Variants in RTEL1 observed in about 807,000 individuals in gnomAD.
RTEL1 encodes the protein regulator of telomere length.
In RTEL1, 86 loss-of-function variants were observed where a neutral mutation model predicts 162.2. The ratio of observed to expected loss-of-function variants is 0.53; its 90% CI spans 0.45 to 0.63. The LOEUF (loss-of-function observed/expected upper bound fraction) is 0.63. RTEL1 is among the 30% of genes least tolerant of loss of function. The pLI is 0.00. For synonymous variants in RTEL1, 958 were observed against 717.9 expected, an observed-to-expected ratio of 1.33 and a Z score of -5.35; for missense variants, 1,941 against 1,750.2, an observed-to-expected ratio of 1.11 and a Z score of -1.95.
In RTEL1 at chr20:63,678,323, C is replaced by G; in HGVS notation, c.1014C>G (p.Asp338Glu). ...ATGCTGTTGAGCTGCCTGGAGACGA[C>G]AGCGGTGTCACCAAGCCAGGGAGGT... ...AIDAVELPGD[D>E]SGVTKPGSYI... The change falls in exon 12 of 35, where the codon GAC becomes GAG. Residue 338 changes from aspartate to glutamate, a missense_variant. Coordinates refer to ENST00000360203, the MANE Select transcript of RTEL1 (RefSeq NM_001283009.2). 6.2e-7 allele frequency: 1 copy of G among 1,612,886 alleles called. No homozygotes were observed. The highest frequency in any genetic ancestry group is 8.5e-7 in the Non-Finnish European group (1 of 1,179,758).
At chr20:63,675,515 T>C (rs1601123874) in intron 10 of RTEL1, among the ~76,000 whole-genome samples, 1 of 152,016 alleles carries the variant, frequency 6.6e-6, no homozygotes, top group Non-Finnish European at 1.5e-5. Context: ...TATATATATA[T>C]ATATACATAT....
chr20:63,659,391 G>A lies in RTEL1; in HGVS notation c.-12G>A, dbSNP rs534207784. On this transcript the variant is annotated 5_prime_UTR_variant, in exon 2 of 35. Coordinates refer to ENST00000360203, the MANE Select transcript of RTEL1 (RefSeq NM_001283009.2). ...TCAGCCACGCTCTGTGCCCTTCTGA[G>A]AACAGGCTGATATGCCCAAGATAGT... is the stretch of plus-strand genomic sequence containing the variant. The A allele has an allele frequency of 3.5e-5, 56 of 1,608,620 alleles. No homozygotes were observed. In the South Asian group the frequency reaches 5.3e-4, roughly 15 times the overall value.
intron 8 of RTEL1, among the ~76,000 whole-genome samples, chr20:63,670,816 CA>C (rs765965525): frequency 1.1e-3 from 148 of 134,130 alleles, no homozygotes; most frequent in Admixed American, 1.7e-3. Flanking sequence ...GACCCCATCT[CA>C]AAAAAAAAAA....
intron 17 of RTEL1, 27 bp downstream of exon 17, chr20:63,687,797 A>T: frequency 6.4e-7 from 1 of 1,556,838 alleles, no homozygotes; most frequent in Non-Finnish European, 8.7e-7. Flanking sequence ...CCAGGGCCTG[A>T]GCACCGGTGA....
chr20:63,693,046 G>A (rs1568718034), intron 29 of RTEL1, 43 bp downstream of exon 29: 1 of 1,609,916 alleles, frequency 6.2e-7, no homozygotes, highest in Admixed American at 1.7e-5. Context: ...GGGCAGTGCT[G>A]CCGCCGCGTG....
chr20:63,670,532 C>T (rs1042590840), intron 8 of RTEL1, among the ~76,000 whole-genome samples: 16 of 152,268 alleles, frequency 1.1e-4, no homozygotes, highest in East Asian at 3.9e-4. Flanking sequence ...CACGGGGAGC[C>T]GACACTGTGG....
chr20:63,682,015 A>G (rs1220672222), intron 14 of RTEL1: 3 of 985,250 alleles, frequency 3.0e-6, no homozygotes, highest in Non-Finnish European at 3.6e-6. Context: ...GGTCACTGCA[A>G]AGCACCTCCA....
Position 63,687,747 on chromosome 20 carries a change from C to T in RTEL1, c.1458C>T (p.Ser486=), listed in dbSNP as rs775896223. 1.9e-6 allele frequency: 3 copies of T among 1,580,954 alleles called. No individual in the cohort carries two copies. The highest frequency in any genetic ancestry group is 3.6e-5 in the Admixed American group (2 of 55,120). ...CCAGCGGCACGCTGGCCCCGGTGTCCTCCTTTGCTCTGGAGATGCAGATGT... is the reference window on the plus strand; with the variant it reads ...CCAGCGGCACGCTGGCCCCGGTGTCTTCCTTTGCTCTGGAGATGCAGATGT... The part of the protein sequence containing the change: ...ILTSGTLAPV[S]SFALEMQIPF... The change falls in exon 17 of 35, where the codon TCC becomes TCT. Residue 486 remains serine, a synonymous_variant. Coordinates refer to ENST00000360203, the MANE Select transcript of RTEL1 (RefSeq NM_001283009.2).
Position 63,661,568 on chromosome 20 carries a change from G to A in RTEL1, c.301+72G>A, listed in dbSNP as rs1021638719. The A allele has an allele frequency of 1.4e-6, 2 of 1,461,182 alleles. No homozygotes were observed. The highest frequency in any genetic ancestry group is 2.8e-5 in the African/African-American group (2 of 71,488). The allele number at this position is 1,461,182 out of a possible 1,614,324, so 90.5% of individuals were successfully genotyped here. On this transcript the variant is annotated intron_variant, in intron 3 of 34. Coordinates refer to ENST00000360203, the MANE Select transcript of RTEL1 (RefSeq NM_001283009.2). The surrounding 1 kb of genome is among the most constrained non-coding windows in gnomAD (Gnocchi z 5.1). ...GGCAAGGGATGGCGCTGAGGGTGGG[G>A]TGGGCCCATGGGGACTCCTGCCGTC...
At chr20:63,675,730 T>G (rs1014233042) in intron 10 of RTEL1, among the ~76,000 whole-genome samples, 1 of 152,138 alleles carries the variant, frequency 6.6e-6, no homozygotes, top group Non-Finnish European at 1.5e-5. Flanking sequence ...TCCTGGGACT[T>G]TGAACGCTCC....
In RTEL1 at chr20:63,679,862, C is replaced by T; in HGVS notation, c.1051C>T (p.Leu351=). 6.2e-7 allele frequency: 1 copy of T among 1,610,910 alleles called. No homozygotes were observed. The highest frequency in any genetic ancestry group is 8.5e-7 in the Non-Finnish European group (1 of 1,179,886). ...VTKPGSYIFE[L]FAEAQITFQT... is the part of the protein sequence containing the mutation. Reference sequence around the variant, plus strand: ...TCTCCTCGGCAGCTACATCTTTGAGCTGTTTGCTGAAGCCCAGATCACGTT... The same window carrying T: ...TCTCCTCGGCAGCTACATCTTTGAGTTGTTTGCTGAAGCCCAGATCACGTT... Residue 351 remains leucine, a synonymous_variant, in exon 13 of 35, where the codon CTG becomes TTG. Transcript: ENST00000360203.
Position 63,685,864 on chromosome 20 carries a change from G to A in RTEL1, c.1340G>A (p.Arg447Lys). Residue 447 changes from arginine (R) to lysine (K), a missense_variant, in exon 16 of 35, where the codon AGA (arginine) becomes AAA (lysine). By Grantham distance (26) the Arg-to-Lys change is conservative. Transcript: ENST00000360203. Reference protein sequence around the residue: ...RSDAWSTTAARKRGKVLSYWC... With the variant: ...RSDAWSTTAAKKRGKVLSYWC... ...GATGCCTGGAGCACCACTGCAGCCA[G>A]AAAGCGAGGTACAGACCTGGGCCCA... The A allele has an allele frequency of 6.2e-7, 1 of 1,612,532 alleles. No individual in the cohort carries two copies.
At chr20:63,666,329 G>A (rs1185306791) in intron 7 of RTEL1, among the ~76,000 whole-genome samples, 2 of 152,258 alleles carry the variant, frequency 1.3e-5, no homozygotes, top group Non-Finnish European at 2.9e-5. Flanking sequence ...GCAGGCCTGT[G>A]TCTGTGCGGA....
chr20:63,687,949 C>A lies in RTEL1; in HGVS notation c.1494C>A (p.Val498=), dbSNP rs777373768. The A allele has an allele frequency of 6.2e-7, 1 of 1,612,528 alleles. No homozygotes were observed. Among genetic ancestry groups the A allele is most frequent in the Non-Finnish European group, 8.5e-7 (1 of 1,179,874 alleles). ...FALEMQIPFP[V]CLENPHIIDK... is the part of the protein sequence containing the mutation. ...TGGCCACGCTCAGCCCTTTCCCAGT[C>A]TGCCTGGAGAACCCACACATCATCG... The change falls in exon 18 of 35, where the codon GTC becomes GTA. Residue 498 remains valine (V), a synonymous_variant. Coordinates refer to ENST00000360203, the MANE Select transcript of RTEL1 (RefSeq NM_001283009.2).
chr20:63,689,074 C>A lies in RTEL1; in HGVS notation c.1820C>A (p.Ala607Glu). Residue 607 changes from alanine to glutamate, a missense_variant, in exon 22 of 35, where the codon GCA (alanine) becomes GAA (glutamate). Ala to Glu is a moderately radical substitution (Grantham distance 107, BLOSUM62 -1). Coordinates refer to ENST00000360203, the MANE Select transcript of RTEL1 (RefSeq NM_001283009.2). ...SFSETISAYYARVAAPGSTGA... is the reference protein window; with the variant it reads ...SFSETISAYYERVAAPGSTGA... ...TTCCAGACCATCAGTGCTTACTATG[C>A]AAGGGTTGCCGCCCCTGGGTCCACC... The A allele has an allele frequency of 6.2e-7, 1 of 1,611,038 alleles. No homozygotes were observed. The highest frequency in any genetic ancestry group is 8.5e-7 in the Non-Finnish European group (1 of 1,179,866).
At position 63,659,514 on chromosome 20, in the gene RTEL1, A is replaced by G. The variant is rs201569343; in HGVS notation, c.102+10A>G. Reference sequence around the variant, plus strand: ...GGAATGTCTGCAGCAGGTAGAGCACAGGCCCCGAGGAAAGGACTGCGGGTG... The same window carrying G: ...GGAATGTCTGCAGCAGGTAGAGCACGGGCCCCGAGGAAAGGACTGCGGGTG... On this transcript the variant is annotated intron_variant, in intron 2 of 34. Coordinates refer to ENST00000360203, the MANE Select transcript of RTEL1 (RefSeq NM_001283009.2). The G allele has an allele frequency of 4.1e-5, 65 of 1,601,668 alleles. 1 individual carries two copies. The highest frequency in any genetic ancestry group is 5.0e-5 in the Non-Finnish European group (59 of 1,168,674).
intron 21 of RTEL1, 193 bp downstream of exon 21, chr20:63,688,798 T>A: frequency 1.6e-6 from 1 of 641,316 alleles, no homozygotes; most frequent in Non-Finnish European, 2.7e-6. Context: ...ACCGGGTGGG[T>A]GTGGTAACAG....
chr20:63,688,983 TG>T (rs1374340530), intron 21 of RTEL1, 71 bp from the exon 22 acceptor site: 1 of 1,318,252 alleles, frequency 7.6e-7, no homozygotes, highest in Admixed American at 1.7e-5. Flanking sequence ...GCATGAGACC[TG>T]GGTCTCCCTC....
At chr20:63,662,033 G>GTGGA in intron 4 of RTEL1, 90 bp downstream of exon 4, 1 of 999,728 alleles carries the variant, frequency 1.0e-6, no homozygotes. Context: ...CTGTGCTGTG[G>GTGGA]TGGAGGGTGG....
Sources: gnomAD v4.1 joint callset for allele counts (sites outside exome capture counted in the v4.1 genomes callset) on GRCh38, gnomAD v4.1.1 for gene constraint, Gnocchi (gnomAD v3.1) non-coding constraint, MANE v1.5 for transcripts, NCBI Gene and HGNC (gene_info 2026-07-23, HGNC 2026-07-21) for gene names.